RHOJ: variants seen among roughly 807,000 people sequenced by gnomAD.
RHOJ encodes the protein ras homolog family member J, also known as rho-related GTP-binding protein RhoJ.
RHOJ carries 11 observed loss-of-function variants against 23.4 expected under a neutral mutation model. That is an observed-to-expected ratio of 0.47 (90% confidence interval 0.30 to 0.78). The LOEUF is 0.78. RHOJ is among the 30% of genes least tolerant of loss of function. The probability of loss-of-function intolerance (pLI) is 0.08; values close to 1 mark genes in which losing one functional copy is unlikely to be tolerated. For synonymous variants in RHOJ, 102 were observed against 102.7 expected (o/e 0.99, Z 0.04); for missense variants, 254 against 273.4 (o/e 0.93, Z 0.50).
chr14:63,237,013 G>GA (rs1213990991), intron 1 of RHOJ, among the ~76,000 whole-genome samples: 16 of 152,022 alleles, frequency 1.1e-4, no homozygotes, highest in African/African-American at 3.6e-4. Flanking sequence ...ATGATGACAA[G>GA]AAAAAAACAT....
At chr14:63,248,985 A>G (rs1017106886) in intron 1 of RHOJ, among the ~76,000 whole-genome samples, 6 of 152,176 alleles carry the variant, frequency 3.9e-5, no homozygotes, top group Non-Finnish European at 7.4e-5. Flanking sequence ...GTTGGTCCCA[A>G]TTGGTCTGAC....
At chr14:63,206,302 G>A (rs1233290034) in intron 1 of RHOJ, among the ~76,000 whole-genome samples, 3 of 152,132 alleles carry the variant, frequency 2.0e-5, no homozygotes, top group Non-Finnish European at 2.9e-5. Flanking sequence ...TTTAATGCTG[G>A]CTCACTTAAG....
chr14:63,248,120 A>G (rs1394181438), intron 1 of RHOJ, among the ~76,000 whole-genome samples: 1 of 152,230 alleles, frequency 6.6e-6, no homozygotes, highest in Non-Finnish European at 1.5e-5. Flanking sequence ...GCCAAACCAT[A>G]TTAAGTATCA....
chr14:63,227,226 A>G (rs564279945), intron 1 of RHOJ, among the ~76,000 whole-genome samples: 1 of 152,342 alleles, frequency 6.6e-6, no homozygotes, highest in Admixed American at 6.5e-5. Flanking sequence ...TGCTGGGATT[A>G]CAGGTGTGAG....
At chr14:63,241,413 A>T (rs993031874) in intron 1 of RHOJ, among the ~76,000 whole-genome samples, 2 of 152,160 alleles carry the variant, frequency 1.3e-5, no homozygotes, top group Non-Finnish European at 2.9e-5. Context: ...TTATTTTTAT[A>T]TTTTAAAAGA....
In RHOJ at chr14:63,290,869, G is replaced by A. The variant is rs1882227918; in HGVS notation, c.499-9G>A. On this transcript the variant is annotated splice_polypyrimidine_tract_variant and intron_variant, in intron 4 of 4. Transcript: ENST00000316754. ...TATCTCTCATGCCTTTCTCTCTTTT[G>A]TGTTTAAGATCGGAGCACAGTGCTA... 2 of 1,601,780 alleles carry A rather than the reference G, an allele frequency of 1.2e-6. No individual in the cohort carries two copies. The highest frequency in any genetic ancestry group is 1.7e-6 in the Non-Finnish European group (2 of 1,174,946).
At position 63,257,987 on chromosome 14, in the gene RHOJ, G is replaced by A. The variant is rs901767818; in HGVS notation, c.179-11123G>A. On this transcript the variant is annotated intron_variant, in intron 1 of 4. Transcript: ENST00000316754. ...CACACCTGTAATCCCAGCACTTTGC[G>A]AGGCCGAGGCGGGTGGATCACCTGA... is the stretch of plus-strand genomic sequence containing the variant. Among the ~76,000 whole-genome samples the A allele has an allele frequency of 3.3e-5, 5 of 149,456 alleles. 1 individual carries two copies. Among genetic ancestry groups the A allele is most frequent in the Non-Finnish European group, 7.4e-5 (5 of 67,310 alleles).
intron 1 of RHOJ, 101 bp downstream of exon 1, chr14:63,205,148 T>C (rs1894081387): frequency 2.3e-6 from 3 of 1,301,140 alleles, no homozygotes. Flanking sequence ...CAGTATTGGG[T>C]GCGGGCCTGG....
rs780084897 is a variant in RHOJ, at chr14:63,269,179, A to G, written c.237+11A>G. 6.2e-7 allele frequency: 1 copy of G among 1,603,632 alleles called. No homozygotes were observed. The highest frequency in any genetic ancestry group is 8.5e-7 in the Non-Finnish European group (1 of 1,170,790). ...GACACCGCGGGACAGGTACATTTTT[A>G]TTATCTTGATTCATTGGAGGGCGGT... On this transcript the variant is annotated intron_variant, in intron 2 of 4. Transcript: ENST00000316754.
At chr14:63,290,278 A>C (rs1231272864) in intron 4 of RHOJ, among the ~76,000 whole-genome samples, 1 of 152,180 alleles carries the variant, frequency 6.6e-6, no homozygotes, top group Non-Finnish European at 1.5e-5. Flanking sequence ...ACTAAATAAT[A>C]ATGCCAATTG....
chr14:63,250,428 A>G (rs192691321), intron 1 of RHOJ, among the ~76,000 whole-genome samples: 3 of 152,144 alleles, frequency 2.0e-5, no homozygotes, highest in African/African-American at 4.8e-5. Context: ...TTGTAGAGAT[A>G]GGGTTTTGCC....
chr14:63,289,739 A>G (rs1882188552), intron 4 of RHOJ, among the ~76,000 whole-genome samples: 1 of 152,228 alleles, frequency 6.6e-6, no homozygotes, highest in African/African-American at 2.4e-5. Flanking sequence ...GTTTGTGATT[A>G]TCAAACACAC....
At chr14:63,222,067 T>C (rs1422161337) in intron 1 of RHOJ, among the ~76,000 whole-genome samples, 2 of 147,278 alleles carry the variant, frequency 1.4e-5, no homozygotes, top group African/African-American at 5.0e-5. Flanking sequence ...AGTGAGAACA[T>C]GCGGTGTTTG....
chr14:63,266,395 C>T (rs959447689), intron 1 of RHOJ, among the ~76,000 whole-genome samples: 10 of 152,148 alleles, frequency 6.6e-5, no homozygotes, highest in African/African-American at 2.4e-4. Context: ...ACTAGTTTTT[C>T]AGGTTTACTT....
chr14:63,269,028 G>T (rs1425143619), intron 1 of RHOJ, 82 bp from the exon 2 acceptor site: 1 of 943,488 alleles, frequency 1.1e-6, no homozygotes, highest in Non-Finnish European at 1.7e-6. Context: ...AGGAGATGCT[G>T]GCATGGAAAC....
At chr14:63,286,721 TG>T in intron 4 of RHOJ, among the ~76,000 whole-genome samples, 1 of 152,316 alleles carries the variant, frequency 6.6e-6, no homozygotes, top group African/African-American at 2.4e-5. Flanking sequence ...AGATTAAGCA[TG>T]TATTCTTCAG....
chr14:63,280,605 A>G (rs1317035013), intron 2 of RHOJ, among the ~76,000 whole-genome samples: 1 of 152,338 alleles, frequency 6.6e-6, no homozygotes, highest in African/African-American at 2.4e-5. Flanking sequence ...TCACTGTAGC[A>G]TATATATGTA....
At chr14:63,207,038 T>TC (rs1394791563) in intron 1 of RHOJ, among the ~76,000 whole-genome samples, 2 of 149,956 alleles carry the variant, frequency 1.3e-5, no homozygotes, top group Non-Finnish European at 3.0e-5. Context: ...TTCTTTTCTT[T>TC]TTTTTTTTTT....
chr14:63,283,896 C>T (rs2139666615), intron 4 of RHOJ, among the ~76,000 whole-genome samples: 1 of 152,254 alleles, frequency 6.6e-6, no homozygotes, highest in South Asian at 2.1e-4. Context: ...GTCTTTGCCT[C>T]CCCCATTACC....
Sources: gnomAD v4.1 joint callset for allele counts (sites outside exome capture counted in the v4.1 genomes callset) on GRCh38, gnomAD v4.1.1 for gene constraint, MANE v1.5 for transcripts, NCBI Gene and HGNC (gene_info 2026-07-23, HGNC 2026-07-21) for gene names.